The following GLG1 variants were observed in gnomAD, a reference collection of about 807,000 sequenced individuals.
GLG1 encodes the protein Golgi apparatus protein 1.
GLG1 carries 38 observed loss-of-function variants against 160.5 expected under a neutral mutation model. That is an observed-to-expected ratio of 0.24 (90% confidence interval 0.18 to 0.31). The LOEUF is 0.31. GLG1 is among the 10% of genes least tolerant of loss of function. The probability of loss-of-function intolerance (pLI) is 1.00; values close to 1 mark genes in which losing one functional copy is unlikely to be tolerated. For missense variants in GLG1, 1,373 were observed against 1,505.2 expected, an observed-to-expected ratio of 0.91 and a Z score of 1.45; for synonymous variants, 644 against 543.4, an observed-to-expected ratio of 1.19 and a Z score of -2.57.
intron 2 of GLG1, among the ~76,000 whole-genome samples, chr16:74,521,738 CAGG>C (rs888933308): frequency 2.0e-5 from 3 of 152,152 alleles, no homozygotes; most frequent in Non-Finnish European, 4.4e-5. Context: ...AACAAATTGC[CAGG>C]AGGACAGCAT....
Position 74,448,720 on chromosome 16 carries a change from C to G in GLG1, c.*4447G>C, listed in dbSNP as rs978493938. The stretch of plus-strand genomic sequence containing the variant: ...TGAGCCGAGATTGCGCCACTGCACT[C>G]CAGCCTGGGCAACGAGTGAAACTGT... On this transcript the variant is annotated 3_prime_UTR_variant, in exon 26 of 26. Transcript: ENST00000422840. 7 of 146,882 alleles carry G rather than the reference C, an allele frequency of 4.8e-5. No homozygotes were observed. The highest frequency in any genetic ancestry group is 1.8e-4 in the African/African-American group (7 of 39,396). 9.1% of individuals were successfully genotyped at this position (146,882 alleles called of 1,614,324 possible).
intron 8 of GLG1, among the ~76,000 whole-genome samples, chr16:74,486,844 A>C (rs1198002083): frequency 6.6e-6 from 1 of 152,164 alleles, no homozygotes; most frequent in African/African-American, 2.4e-5. Context: ...GTAAACTGCA[A>C]AGCATTTTAC....
intron 1 of GLG1, among the ~76,000 whole-genome samples, chr16:74,546,129 A>G (rs2018039556): frequency 6.6e-6 from 1 of 152,136 alleles, no homozygotes; most frequent in Non-Finnish European, 1.5e-5. Flanking sequence ...GTTCTTCAGG[A>G]GAGTACTGGG....
At chr16:74,562,200 G>T (rs1477157402) in intron 1 of GLG1, among the ~76,000 whole-genome samples, 1 of 152,230 alleles carries the variant, frequency 6.6e-6, no homozygotes, top group Non-Finnish European at 1.5e-5. Flanking sequence ...AGTTAAGTAA[G>T]GTATTACAGA....
intron 10 of GLG1, among the ~76,000 whole-genome samples, chr16:74,481,553 G>C (rs1049399853): frequency 3.2e-4 from 48 of 152,176 alleles, no homozygotes; most frequent in African/African-American, 1.1e-3. Context: ...TTTAGGTTGA[G>C]ATGGCCTGAG....
chr16:74,588,391 T>G (rs764287851), intron 1 of GLG1, among the ~76,000 whole-genome samples: 5 of 152,272 alleles, frequency 3.3e-5, no homozygotes, highest in Non-Finnish European at 7.3e-5. Flanking sequence ...TTTAAAAGAT[T>G]TGAATTTAAG....
chr16:74,462,232 G>T, intron 21 of GLG1, 37 bp from the exon 22 acceptor site: 2 of 1,061,636 alleles, frequency 1.9e-6, no homozygotes, highest in Non-Finnish European at 1.4e-6. Context: ...GGGCTGATCA[G>T]AAAACGAAGC....
chr16:74,468,746 TG>T (rs1420286959), intron 17 of GLG1, 199 bp downstream of exon 17: 2 of 570,642 alleles, frequency 3.5e-6, no homozygotes, highest in African/African-American at 3.7e-5. Flanking sequence ...CAGTTACATG[TG>T]GGAAGAAAGG....
At chr16:74,465,493 GT>G (rs2014966197) in intron 19 of GLG1, among the ~76,000 whole-genome samples, 182 bp downstream of exon 19, 1 of 152,180 alleles carries the variant, frequency 6.6e-6, no homozygotes, top group Non-Finnish European at 1.5e-5. Flanking sequence ...TACTCCCAGA[GT>G]TTCTGATTCA....
chr16:74,549,824 G>A (rs1308336264), intron 1 of GLG1, among the ~76,000 whole-genome samples: 2 of 151,882 alleles, frequency 1.3e-5, no homozygotes, highest in Non-Finnish European at 2.9e-5. Flanking sequence ...ATAAACAACA[G>A]GAAAAGGGGC....
rs184360464 is a variant in GLG1, at chr16:74,514,365, C to A, written c.472-5440G>T. ...AGATTCACCAAGGTTGAAATGAAGG[C>A]AAAAATGTTAAGGGCAGCCAGAGAG... is the stretch of plus-strand genomic sequence containing the variant. On this transcript the variant is annotated intron_variant, in intron 2 of 25. Transcript: ENST00000422840. Among the ~76,000 whole-genome samples the A allele has an allele frequency of 2.3e-3, 346 of 152,140 alleles. 2 individuals carry two copies. The highest frequency in any genetic ancestry group is 7.8e-3 in the African/African-American group (325 of 41,522).
intron 1 of GLG1, among the ~76,000 whole-genome samples, chr16:74,575,839 G>T (rs1327043958): frequency 2.0e-5 from 3 of 152,242 alleles, no homozygotes; most frequent in Admixed American, 1.3e-4. Context: ...GCAGTATCAC[G>T]AAACCATATA....
At chr16:74,482,053 G>C (rs1597249795) in intron 10 of GLG1, among the ~76,000 whole-genome samples, 1 of 152,204 alleles carries the variant, frequency 6.6e-6, no homozygotes, top group African/African-American at 2.4e-5. Flanking sequence ...CTCCCAAAGT[G>C]CTGGGATTAC....
intron 20 of GLG1, 137 bp from the exon 21 acceptor site, chr16:74,462,767 T>G: frequency 1.3e-6 from 1 of 782,740 alleles, no homozygotes; most frequent in Non-Finnish European, 2.2e-6. Context: ...CAATAAACAT[T>G]TACTGAGCTC....
In GLG1 at chr16:74,493,019, G is replaced by A. The variant is rs753520485; in HGVS notation, c.1172C>T (p.Pro391Leu). 8 of 1,613,688 alleles carry A rather than the reference G, an allele frequency of 5.0e-6. No homozygotes were observed. Among genetic ancestry groups the A allele is most frequent in the East Asian group, 4.5e-5 (2 of 44,892 alleles). Reference protein sequence around the residue: ...KKYRCNVENLPRSREARLSYL... With the variant: ...KKYRCNVENLLRSREARLSYL... ...GGAGAGCCTGGCTTCACGCGATCGC[G>A]GAAGGTTTTCCACATTGCACCGGTA... is the stretch of plus-strand genomic sequence containing the variant. The change falls in exon 7 of 26, where the codon CCG (proline) becomes CTG (leucine). Residue 391 changes from proline (P) to leucine (L), a missense_variant. Transcript: ENST00000422840.
intron 2 of GLG1, among the ~76,000 whole-genome samples, chr16:74,529,596 T>A (rs2017460111): frequency 6.6e-6 from 1 of 152,082 alleles, no homozygotes; most frequent in African/African-American, 2.4e-5. Flanking sequence ...TCTCTTGATA[T>A]CTTCCTGCTT....
At position 74,585,881 on chromosome 16, in the gene GLG1, G is replaced by C. The variant is rs889994101; in HGVS notation, c.438+20776C>G. Among the ~76,000 whole-genome samples, 4 of 152,014 alleles carry C rather than the reference G, an allele frequency of 2.6e-5. No individual in the cohort carries two copies. In the South Asian group the frequency reaches 8.3e-4, roughly 32 times the overall value. On this transcript the variant is annotated intron_variant, in intron 1 of 25. Transcript: ENST00000422840. The stretch of plus-strand genomic sequence containing the variant: ...AGTTCAAGACCAGCCTGGCCATTAT[G>C]ATAAAACCCTGTTCCTACTGAAAAT...
intron 1 of GLG1, among the ~76,000 whole-genome samples, chr16:74,546,223 G>C (rs1228244827): frequency 6.6e-6 from 1 of 152,144 alleles, no homozygotes; most frequent in African/African-American, 2.4e-5. Flanking sequence ...CAGACTGCTT[G>C]AGCCCAGGAA....
intron 1 of GLG1, among the ~76,000 whole-genome samples, chr16:74,593,739 A>G (rs1467558230): frequency 6.6e-6 from 1 of 151,850 alleles, no homozygotes; most frequent in East Asian, 1.9e-4. Flanking sequence ...CTGGCCAGGT[A>G]CCAGAGCATT....
Sources: gnomAD v4.1 joint callset for allele counts (sites outside exome capture counted in the v4.1 genomes callset) on GRCh38, gnomAD v4.1.1 for gene constraint, MANE v1.5 for transcripts, NCBI Gene and HGNC (gene_info 2026-07-23, HGNC 2026-07-21) for gene names.